The following ECHDC2 variants were observed in gnomAD, a reference collection of about 807,000 sequenced individuals.
The protein encoded by ECHDC2 is enoyl-CoA hydratase domain-containing protein 2, mitochondrial.
Under a neutral mutation model 40.6 loss-of-function variants are expected in ECHDC2, and 34 were observed. The ratio of observed to expected loss-of-function variants is 0.84; its 90% CI spans 0.64 to 1.11. ECHDC2 has a LOEUF of 1.11. ECHDC2 is among the 50% of genes most tolerant of loss of function. The pLI is 0.00. For missense variants in ECHDC2, 392 were observed against 400.7 expected, an observed-to-expected ratio of 0.98 and a Z score of 0.19; for synonymous variants, 162 against 166.6, an observed-to-expected ratio of 0.97 and a Z score of 0.21.
At chr1:52,918,728 G>C (rs1399495827) in intron 1 of ECHDC2, among the ~76,000 whole-genome samples, 2 of 152,208 alleles carry the variant, frequency 1.3e-5, no homozygotes, top group Non-Finnish European at 2.9e-5. Context: ...AGTAAAAACA[G>C]AGTAAGCTAA....
chr1:52,912,163 A>C, intron 1 of ECHDC2: 1 of 493,498 alleles, frequency 2.0e-6, no homozygotes, highest in Non-Finnish European at 2.7e-6. Flanking sequence ...AACTCCCTCC[A>C]TATTCATCTT....
At chr1:52,921,307 G>T in intron 1 of ECHDC2, 1 of 815,744 alleles carries the variant, frequency 1.2e-6, no homozygotes, top group Non-Finnish European at 1.7e-6. Context: ...CCACACAGTC[G>T]GAAGACCCCA....
chr1:52,912,044 G>GAACAACAGTGAC, intron 1 of ECHDC2: 1 of 1,400,878 alleles, frequency 7.1e-7, no homozygotes, highest in Non-Finnish European at 9.3e-7. Flanking sequence ...ATGGGGAGAG[G>GAACAACAGTGAC]AACAACAGTG....
At chr1:52,910,352 G>C (rs1164760794) in intron 3 of ECHDC2, among the ~76,000 whole-genome samples, 1 of 32,062 alleles carries the variant, frequency 3.1e-5, no homozygotes, top group Non-Finnish European at 5.7e-5. Context: ...CCACAATTTC[G>C]TTTTTTTTTT....
intron 3 of ECHDC2, among the ~76,000 whole-genome samples, chr1:52,909,750 A>T (rs1253584081): frequency 6.6e-6 from 1 of 152,068 alleles, no homozygotes; most frequent in Admixed American, 6.6e-5. Flanking sequence ...TATCTATATT[A>T]TTTTTTGTTG....
chr1:52,917,724 A>G, intron 1 of ECHDC2: 1 of 441,800 alleles, frequency 2.3e-6, no homozygotes, highest in Non-Finnish European at 4.6e-6. Context: ...TCAGACTCTA[A>G]TGGAGCTGAA....
At chr1:52,909,535 A>AC (rs1489271558) in intron 3 of ECHDC2, among the ~76,000 whole-genome samples, 2 of 151,734 alleles carry the variant, frequency 1.3e-5, no homozygotes, top group Non-Finnish European at 2.9e-5. Context: ...AAAAAAAAAA[A>AC]AAAAACACCA....
intron 1 of ECHDC2, among the ~76,000 whole-genome samples, chr1:52,918,287 C>A (rs7518004): frequency 0.054 from 8,186 of 151,322 alleles, 762 homozygotes; most frequent in African/African-American, 0.19. Flanking sequence ...ACCCTCTCAA[C>A]GTGCTGGGAT....
Position 52,914,466 on chromosome 1 carries a change from G to C in ECHDC2, c.122-2676C>G, listed in dbSNP as rs996818840. ...AGAGGGCCCAGGTGTGGGACTGCAG[G>C]GTGCCTTCCAGAACTGGAGGAGTTC... On this transcript the variant is annotated intron_variant, in intron 1 of 9. Coordinates refer to ENST00000371522, the MANE Select transcript of ECHDC2 (RefSeq NM_001198961.2). This position sits in a 1 kb window ranked among gnomAD's most constrained non-coding sequence, Gnocchi z 4.0. Among the ~76,000 whole-genome samples the C allele has an allele frequency of 6.6e-6, 1 of 152,088 alleles. No homozygotes were observed. Among genetic ancestry groups the C allele is most frequent in the Non-Finnish European group, 1.5e-5 (1 of 68,026 alleles).
At chr1:52,918,848 G>A (rs1394785257) in intron 1 of ECHDC2, among the ~76,000 whole-genome samples, 2 of 151,998 alleles carry the variant, frequency 1.3e-5, no homozygotes, top group East Asian at 3.9e-4. Context: ...TAGGCCAGGG[G>A]TCCCCAACCC....
chr1:52,914,974 C>T lies in ECHDC2; in HGVS notation c.122-3184G>A, dbSNP rs988263687. ...TACCCCAATCCGACCACGTCCCTCC[C>T]CTTCCCCCTTCTTTTCCTCAAAATA... On this transcript the variant is annotated intron_variant, in intron 1 of 9. Coordinates refer to ENST00000371522, the MANE Select transcript of ECHDC2 (RefSeq NM_001198961.2). This position sits in a 1 kb window ranked among gnomAD's most constrained non-coding sequence, Gnocchi z 4.0. Among the ~76,000 whole-genome samples the T allele has an allele frequency of 1.3e-5, 2 of 152,122 alleles. No homozygotes were observed. The highest frequency in any genetic ancestry group is 3.9e-4 in the East Asian group (2 of 5,174).
At chr1:52,898,000 T>C (rs1315741421) in intron 8 of ECHDC2, 1 of 189,008 alleles carries the variant, frequency 5.3e-6, no homozygotes, top group Non-Finnish European at 1.1e-5. Flanking sequence ...ACTTGCACTC[T>C]CTCTTCTTCC....
At chr1:52,907,796 G>A in intron 4 of ECHDC2, 72 bp downstream of exon 4, 1 of 1,292,756 alleles carries the variant, frequency 7.7e-7, no homozygotes, top group Non-Finnish European at 1.1e-6. Context: ...CTTAGATGCT[G>A]GTGGGGGTAG....
At chr1:52,903,031 A>C (rs1647085706) in intron 7 of ECHDC2, among the ~76,000 whole-genome samples, 1 of 152,118 alleles carries the variant, frequency 6.6e-6, no homozygotes, top group Non-Finnish European at 1.5e-5. Context: ...GAAATTTGGG[A>C]TCTCCTGTAC....
chr1:52,896,356 C>A lies in ECHDC2; in HGVS notation c.*164G>T. On this transcript the variant is annotated 3_prime_UTR_variant, in exon 10 of 10. Coordinates refer to ENST00000371522, the MANE Select transcript of ECHDC2 (RefSeq NM_001198961.2). ...TAGCAGTAGGTGGTAGGATCAGCAC[C>A]TTGGTTCCAGGCATCACGCCAGTCA... 1.5e-6 allele frequency: 1 copy of A among 651,712 alleles called. No individual in the cohort carries two copies. The allele number at this position is 651,712 out of a possible 1,614,324, so 40.4% of individuals were successfully genotyped here.
intron 3 of ECHDC2, among the ~76,000 whole-genome samples, chr1:52,910,872 G>A (rs966102962): frequency 2.6e-5 from 4 of 152,212 alleles, no homozygotes; most frequent in African/African-American, 9.6e-5. Context: ...GCCAGATGCA[G>A]GGGTGAGCAG....
intron 9 of ECHDC2, 57 bp from the exon 10 acceptor site, chr1:52,896,654 A>C: frequency 6.9e-7 from 1 of 1,440,782 alleles, no homozygotes; most frequent in Non-Finnish European, 9.8e-7. Flanking sequence ...GCCCAAAAAG[A>C]GTTGCTTAAG....
At chr1:52,900,502 C>T (rs1473954500) in intron 7 of ECHDC2, 1 of 152,118 alleles carries the variant, frequency 6.6e-6, no homozygotes. Context: ...TTGTTAGAAA[C>T]AGATTAGCCT....
Position 52,907,820 on chromosome 1 carries a change from G to A in ECHDC2, c.364+48C>T, listed in dbSNP as rs113121140. On this transcript the variant is annotated intron_variant, in intron 4 of 9. Coordinates refer to ENST00000371522, the MANE Select transcript of ECHDC2 (RefSeq NM_001198961.2). Reference sequence around the variant, plus strand: ...TGGTGGGGGTAGCGGGACTGTCATCGGCAGGGACCCCCAAACCCCCTCCTC... The same window carrying A: ...TGGTGGGGGTAGCGGGACTGTCATCAGCAGGGACCCCCAAACCCCCTCCTC... 52 of 1,516,100 alleles carry A rather than the reference G, an allele frequency of 3.4e-5. 1 individual carries two copies. Among genetic ancestry groups the A allele is most frequent in the African/African-American group, 2.5e-4 (18 of 72,836 alleles). The allele number at this position is 1,516,100 out of a possible 1,614,324, so 93.9% of individuals were successfully genotyped here.
Sources: allele counts gnomAD v4.1 joint callset (sites outside exome capture counted in the v4.1 genomes callset), GRCh38; gene constraint gnomAD v4.1.1; non-coding constraint Gnocchi (gnomAD v3.1); transcripts MANE v1.5; gene names NCBI Gene and HGNC (gene_info 2026-07-23, HGNC 2026-07-21).